CNTN5: variants seen among roughly 807,000 people sequenced by gnomAD.
CNTN5 encodes contactin 5.
CNTN5 carries 77 observed loss-of-function variants against 129.1 expected under a neutral mutation model. The observed-to-expected ratio is 0.60, with a 90% CI of 0.50 to 0.72. The LOEUF (loss-of-function observed/expected upper bound fraction) is 0.72. Among genes scored for constraint, CNTN5 ranks in the 30% least tolerant of loss-of-function variants. The pLI is 0.00. For missense variants in CNTN5, 1,478 were observed against 1,328.8 expected (o/e 1.11, Z -1.75); for synonymous variants, 509 against 465.6 (o/e 1.09, Z -1.20).
At chr11:99,584,083 T>A (rs182720558) in intron 3 of CNTN5, among the ~76,000 whole-genome samples, 125 of 152,280 alleles carry the variant, frequency 8.2e-4, no homozygotes, top group Non-Finnish European at 1.8e-4. Flanking sequence ...TCAAAGGGAT[T>A]AAGGAGGATG....
At chr11:99,736,423 G>T (rs1200881714) in intron 3 of CNTN5, among the ~76,000 whole-genome samples, 1 of 152,168 alleles carries the variant, frequency 6.6e-6, no homozygotes, top group Admixed American at 6.5e-5. Context: ...GATGAAGAAG[G>T]GGTTGGAGTG....
chr11:100,230,831 T>A (rs1045554402), intron 16 of CNTN5, among the ~76,000 whole-genome samples: 1 of 152,220 alleles, frequency 6.6e-6, no homozygotes, highest in Non-Finnish European at 1.5e-5. Flanking sequence ...CTCTTCAAAT[T>A]TGAGAAAAGT....
intron 3 of CNTN5, among the ~76,000 whole-genome samples, chr11:99,776,053 T>A (rs1419696274): frequency 1.3e-5 from 2 of 152,048 alleles, no homozygotes; most frequent in African/African-American, 4.8e-5. Flanking sequence ...AAAATTTATT[T>A]CTGCCCTTGA....
chr11:99,932,099 T>C (rs1950205737), intron 7 of CNTN5, among the ~76,000 whole-genome samples: 1 of 152,206 alleles, frequency 6.6e-6, no homozygotes, highest in Non-Finnish European at 1.5e-5. Flanking sequence ...TGTATTCATT[T>C]TTTTCAGCTT....
At chr11:99,845,623 C>T (rs577637345) in intron 6 of CNTN5, among the ~76,000 whole-genome samples, 20 of 152,078 alleles carry the variant, frequency 1.3e-4, no homozygotes, top group East Asian at 1.9e-4. Flanking sequence ...CCGCCCGCCT[C>T]GGCCTCCCAA....
Position 100,297,562 on chromosome 11 carries a change from G to A in CNTN5, c.2315-63G>A, listed in dbSNP as rs959423654. 23 of 1,226,228 alleles carry A rather than the reference G, an allele frequency of 1.9e-5. 1 individual carries two copies. The highest frequency in any genetic ancestry group is 2.3e-5 in the Non-Finnish European group (20 of 856,760). The allele number at this position is 1,226,228 out of a possible 1,614,324, so 76.0% of individuals were successfully genotyped here. On this transcript the variant is annotated intron_variant, in intron 18 of 24. Transcript: ENST00000524871. ...CAAACAAACTTCTGACTTATCTCAG[G>A]ATTTTATCCAACGTAGGTTGGGAGT...
rs116455905 is a variant in CNTN5 at position 99,728,608 on chromosome 11, A to G, written c.56-90936A>G. 3.3e-3 allele frequency among the ~76,000 whole-genome samples: 504 copies of G among 152,326 alleles called. 2 individuals carry two copies. The highest frequency in any genetic ancestry group is 0.011 in the African/African-American group (477 of 41,574). ...TAGCAGCCTCATAGTGATGTAGAAC[A>G]AAGTTGTCGGGATAGAAACCTGCTT... On this transcript the variant is annotated intron_variant, in intron 3 of 24. Transcript: ENST00000524871.
At chr11:100,209,285 C>CA (rs1157033735) in intron 15 of CNTN5, among the ~76,000 whole-genome samples, 1 of 152,078 alleles carries the variant, frequency 6.6e-6, no homozygotes, top group East Asian at 1.9e-4. Flanking sequence ...GATAGCCTTT[C>CA]AAAAAATAAT....
At chr11:99,739,158 C>T (rs1230561215) in intron 3 of CNTN5, among the ~76,000 whole-genome samples, 1 of 152,058 alleles carries the variant, frequency 6.6e-6, no homozygotes, top group Non-Finnish European at 1.5e-5. Flanking sequence ...ACTGCACTTA[C>T]CACATAGAGC....
At chr11:100,006,222 AT>A (rs1940181319) in intron 9 of CNTN5, among the ~76,000 whole-genome samples, 1 of 152,140 alleles carries the variant, frequency 6.6e-6, no homozygotes, top group Admixed American at 6.6e-5. Flanking sequence ...GCAAATTATC[AT>A]CTTTTTGCTG....
intron 3 of CNTN5, among the ~76,000 whole-genome samples, chr11:99,681,851 A>T (rs1953569777): frequency 6.6e-6 from 1 of 152,086 alleles, no homozygotes; most frequent in Admixed American, 6.6e-5. Flanking sequence ...GAAACTATTA[A>T]ATTTTAAAGA....
chr11:100,043,833 G>A (rs1311778144), intron 9 of CNTN5, among the ~76,000 whole-genome samples: 1 of 150,528 alleles, frequency 6.6e-6, no homozygotes, highest in Non-Finnish European at 1.5e-5. Context: ...ATTTGATTCA[G>A]TTTGTTGTAT....
chr11:99,618,633 A>T (rs923859214), intron 3 of CNTN5, among the ~76,000 whole-genome samples: 1 of 152,202 alleles, frequency 6.6e-6, no homozygotes, highest in East Asian at 1.9e-4. Flanking sequence ...GAAAACTACA[A>T]TGATTAAGCC....
chr11:99,068,835 G>T (rs1360761081), intron 1 of CNTN5, among the ~76,000 whole-genome samples: 1 of 152,118 alleles, frequency 6.6e-6, no homozygotes, highest in Non-Finnish European at 1.5e-5. Flanking sequence ...GTGAAAAAAG[G>T]CAGAGAGCAT....
intron 1 of CNTN5, among the ~76,000 whole-genome samples, chr11:99,235,532 C>T (rs1429833667): frequency 6.6e-6 from 1 of 152,046 alleles, no homozygotes; most frequent in Non-Finnish European, 1.5e-5. Flanking sequence ...TTACAGATGG[C>T]TCTGTAATCA....
At chr11:99,676,440 A>G (rs145665936) in intron 3 of CNTN5, among the ~76,000 whole-genome samples, 6 of 152,164 alleles carry the variant, frequency 3.9e-5, no homozygotes, top group African/African-American at 7.2e-5. Context: ...TTGTCACATT[A>G]TGGGATTTTT....
intron 1 of CNTN5, among the ~76,000 whole-genome samples, chr11:99,256,715 A>G (rs1862393082): frequency 6.6e-6 from 1 of 152,056 alleles, no homozygotes; most frequent in Non-Finnish European, 1.5e-5. Flanking sequence ...AGGGTACAGC[A>G]TATAAAATAA....
intron 3 of CNTN5, among the ~76,000 whole-genome samples, chr11:99,741,254 C>T (rs748006130): frequency 6.6e-6 from 1 of 152,116 alleles, no homozygotes; most frequent in Non-Finnish European, 1.5e-5. Flanking sequence ...CCATTAATTT[C>T]AATATTTTGG....
At chr11:99,802,371 G>A (rs1464530451) in intron 3 of CNTN5, among the ~76,000 whole-genome samples, 1 of 152,132 alleles carries the variant, frequency 6.6e-6, no homozygotes. Context: ...AGGGTAGGGG[G>A]AAAGATGTGC....
Sources: gnomAD v4.1 joint callset for allele counts (sites outside exome capture counted in the v4.1 genomes callset) on GRCh38, gnomAD v4.1.1 for gene constraint, MANE v1.5 for transcripts, NCBI Gene and HGNC (gene_info 2026-07-23, HGNC 2026-07-21) for gene names.